The following FOCAD variants were observed in gnomAD, a reference collection of about 807,000 sequenced individuals.
FOCAD encodes KIAA1797.
In FOCAD, 198 loss-of-function variants were observed where a neutral mutation model predicts 225.6. The ratio of observed to expected loss-of-function variants is 0.88; its 90% CI spans 0.78 to 0.99. The LOEUF (loss-of-function observed/expected upper bound fraction) is 0.99, where lower values mean the gene tolerates loss of function less well. FOCAD is among the 50% of genes least tolerant of loss of function. The pLI is 0.00. For synonymous variants in FOCAD, 897 were observed against 755.0 expected (o/e 1.19, Z -3.08); for missense variants, 2,713 against 2,123.6 (o/e 1.28, Z -5.46).
Position 20,881,943 on chromosome 9 carries a change from C to T in FOCAD, c.2390C>T (p.Ala797Val), listed in dbSNP as rs1292410462. 4 of 1,613,864 alleles carry T rather than the reference C, an allele frequency of 2.5e-6. No individual in the cohort carries two copies. Among genetic ancestry groups the T allele is most frequent in the Non-Finnish European group, 1.7e-6 (2 of 1,179,878 alleles). ...VNMPRGIYHS[A>V]LKGGARSDQG... ...ATGCCTCGTGGGATATATCACTCTG[C>T]ATTAAAAGGAGGTGCCCGCTCAGAC... Residue 797 changes from alanine (A) to valine (V), a missense_variant, in exon 20 of 44, where the codon GCA becomes GTA. Physicochemically the swap from Ala to Val is moderately conservative, Grantham distance 64. Coordinates refer to ENST00000338382, the MANE Select transcript of FOCAD (RefSeq NM_001375567.1).
At chr9:20,919,475 A>G (rs1834181220) in intron 24 of FOCAD, among the ~76,000 whole-genome samples, 1 of 152,198 alleles carries the variant, frequency 6.6e-6, no homozygotes, top group Non-Finnish European at 1.5e-5. Flanking sequence ...TTTAAAGTTC[A>G]TATGGAACCA....
At chr9:20,797,836 A>T (rs1003788695) in intron 11 of FOCAD, among the ~76,000 whole-genome samples, 2 of 151,992 alleles carry the variant, frequency 1.3e-5, no homozygotes, top group African/African-American at 4.8e-5. Context: ...AATACCCTTT[A>T]TTTCCTTCTT....
chr9:20,732,679 G>T (rs1363383650), intron 4 of FOCAD, among the ~76,000 whole-genome samples: 4 of 152,106 alleles, frequency 2.6e-5, no homozygotes, highest in African/African-American at 7.2e-5. Context: ...ATTGGGTTTG[G>T]GGTAGGCACC....
In FOCAD at chr9:20,929,824, T is replaced by G. The variant is rs376351951; in HGVS notation, c.3317+228T>G. 1.1e-4 allele frequency among the ~76,000 whole-genome samples: 16 copies of G among 152,302 alleles called. No homozygotes were observed. The East Asian group carries it at 2.3e-3, about 22-fold the overall frequency. ...TTAAGGGTTGCTAGTATTAAAGTGT[T>G]TGGTTACTTGAAAATCATTTCATGC... On this transcript the variant is annotated intron_variant, in intron 27 of 43. Transcript: ENST00000338382.
At chr9:20,944,809 C>T in intron 29 of FOCAD, 35 bp downstream of exon 29, 1 of 1,577,028 alleles carries the variant, frequency 6.3e-7, no homozygotes, top group Non-Finnish European at 8.7e-7. Context: ...TTCCCCTCTG[C>T]TCTCTTTTGT....
chr9:20,932,884 T>C (rs1194634072), intron 27 of FOCAD, 130 bp from the exon 28 acceptor site: 12 of 650,230 alleles, frequency 1.8e-5, no homozygotes, highest in Non-Finnish European at 2.6e-5. Context: ...CTCATCAATA[T>C]TGTCACTTTT....
intron 4 of FOCAD, among the ~76,000 whole-genome samples, chr9:20,722,694 T>C (rs539065082): frequency 9.9e-5 from 15 of 152,236 alleles, no homozygotes; most frequent in Non-Finnish European, 2.1e-4. Context: ...TTCTATTGTA[T>C]ACCAATTAAA....
intron 21 of FOCAD, among the ~76,000 whole-genome samples, chr9:20,904,073 A>C (rs530703038): frequency 6.6e-6 from 1 of 152,110 alleles, no homozygotes; most frequent in African/African-American, 2.4e-5. Context: ...AGGTTCAGCC[A>C]TAGTGTATCA....
rs773739126 is a variant in FOCAD at position 20,995,651 on chromosome 9, G to A, written c.*22G>A. On this transcript the variant is annotated 3_prime_UTR_variant, in exon 44 of 44. Transcript: ENST00000338382. ...GTGAACAGTTTTGCAGTAACCAGCA[G>A]CATTCTCAGCTGGATGAGGAAAACC... The A allele has an allele frequency of 3.7e-5, 59 of 1,604,694 alleles. No individual in the cohort carries two copies. The South Asian group carries it at 6.1e-4, about 17-fold the overall frequency.
At chr9:20,860,776 G>T (rs1828704423) in intron 15 of FOCAD, among the ~76,000 whole-genome samples, 1 of 152,192 alleles carries the variant, frequency 6.6e-6, no homozygotes. Context: ...CTCCCAAAGT[G>T]CTGGGATTAC....
At chr9:20,974,744 C>T (rs1441657091) in intron 35 of FOCAD, among the ~76,000 whole-genome samples, 1 of 142,458 alleles carries the variant, frequency 7.0e-6, no homozygotes, top group Non-Finnish European at 1.5e-5. Context: ...CTGTTTTTTT[C>T]CTGCTGACTC....
At chr9:20,690,245 C>T (rs10964661) in intron 1 of FOCAD, among the ~76,000 whole-genome samples, 20,254 of 152,132 alleles carry the variant, frequency 0.13, 1,692 homozygotes, top group Non-Finnish European at 0.19. Flanking sequence ...TTTTACCTTC[C>T]GAAGGATTTG....
At chr9:20,921,655 C>G (rs1180925542) in intron 24 of FOCAD, among the ~76,000 whole-genome samples, 1 of 152,098 alleles carries the variant, frequency 6.6e-6, no homozygotes, top group African/African-American at 2.4e-5. Flanking sequence ...GTTTTTAATT[C>G]AAAGATTATT....
chr9:20,758,700 A>AT (rs1330751674), intron 6 of FOCAD, among the ~76,000 whole-genome samples: 3 of 152,100 alleles, frequency 2.0e-5, no homozygotes, highest in Non-Finnish European at 2.9e-5. Flanking sequence ...TGAACTCATC[A>AT]TTTTTTATGG....
chr9:20,796,136 A>G (rs1312185936), intron 11 of FOCAD, among the ~76,000 whole-genome samples: 1 of 152,174 alleles, frequency 6.6e-6, no homozygotes, highest in Non-Finnish European at 1.5e-5. Context: ...CCTACAAAGG[A>G]CATGAACTCA....
chr9:20,921,968 C>T (rs1342612424), intron 24 of FOCAD, among the ~76,000 whole-genome samples: 1 of 152,210 alleles, frequency 6.6e-6, no homozygotes, highest in Non-Finnish European at 1.5e-5. Flanking sequence ...ATACTCAGAT[C>T]ACTCAAAATT....
rs1204272220 is a variant in FOCAD, at chr9:20,781,795, A to G, written c.1063A>G (p.Ile355Val). 4.2e-5 allele frequency: 68 copies of G among 1,614,022 alleles called. No individual in the cohort carries two copies. Among genetic ancestry groups the G allele is most frequent in the Admixed American group, 1.3e-4 (8 of 60,014 alleles). The change falls in exon 10 of 44, where the codon ATT becomes GTT. Residue 355 changes from isoleucine (I) to valine (V), a missense_variant. By Grantham distance (29) the Ile-to-Val change is conservative. Transcript: ENST00000338382. ...GTCCTCTCTGCTGCTAGTGATGCCAATTCTGCAGATACTATCTTCTACTGC... is the reference window on the plus strand; with the variant it reads ...GTCCTCTCTGCTGCTAGTGATGCCAGTTCTGCAGATACTATCTTCTACTGC... Reference protein sequence around the residue: ...PKSSLLLVMPILQILSSTALE... With the variant: ...PKSSLLLVMPVLQILSSTALE...
chr9:20,677,738 T>C (rs1822277615), intron 2 of FOCAD, among the ~76,000 whole-genome samples: 1 of 152,052 alleles, frequency 6.6e-6, no homozygotes, highest in African/African-American at 2.4e-5. Flanking sequence ...TTGGTGGAAA[T>C]GTAAATTGGC....
At chr9:20,989,261 T>C (rs1267310192) in intron 41 of FOCAD, among the ~76,000 whole-genome samples, 1 of 152,210 alleles carries the variant, frequency 6.6e-6, no homozygotes, top group Non-Finnish European at 1.5e-5. Flanking sequence ...AGTTTAGGAA[T>C]TTTAAGAGAT....
Sources: gnomAD v4.1 joint callset for allele counts (sites outside exome capture counted in the v4.1 genomes callset) on GRCh38, gnomAD v4.1.1 for gene constraint, MANE v1.5 for transcripts, NCBI Gene and HGNC (gene_info 2026-07-23, HGNC 2026-07-21) for gene names.